The following API5 variants were observed in gnomAD, a reference collection of about 807,000 sequenced individuals.
The protein encoded by API5 is apoptosis inhibitor 5.
Under a neutral mutation model 71.9 loss-of-function variants are expected in API5, and 6 were observed. That is an observed-to-expected ratio of 0.08 (90% CI 0.05 to 0.16). The LOEUF (loss-of-function observed/expected upper bound fraction) is 0.16. Among genes scored for constraint, API5 ranks in the 10% least tolerant of loss-of-function variants. API5 has a pLI of 1.00. For missense variants in API5, 332 were observed against 612.8 expected (o/e 0.54, Z 4.84); for synonymous variants, 189 against 221.3 (o/e 0.85, Z 1.30).
intron 10 of API5, 195 bp downstream of exon 10, chr11:43,330,253 G>A: frequency 1.6e-6 from 1 of 616,148 alleles, no homozygotes; most frequent in Non-Finnish European, 2.8e-6. Flanking sequence ...CTATGTGCAT[G>A]TGACCTTACT....
chr11:43,315,436 G>A (rs1199488191), intron 1 of API5, among the ~76,000 whole-genome samples: 2 of 151,636 alleles, frequency 1.3e-5, no homozygotes, highest in Admixed American at 6.6e-5. Flanking sequence ...ACTGTACCTT[G>A]CCCTTCAGTA....
At chr11:43,331,942 T>C (rs1280124337) in intron 11 of API5, 1 of 152,210 alleles carries the variant, frequency 6.6e-6, no homozygotes, top group East Asian at 1.9e-4. Flanking sequence ...AATTCATATA[T>C]AAAAATGTGA....
Position 43,326,536 on chromosome 11 carries a change from A to T in API5, c.780A>T (p.Thr260=), listed in dbSNP as rs751694174. 124 of 1,611,380 alleles carry T rather than the reference A, an allele frequency of 7.7e-5. No individual in the cohort carries two copies. Among genetic ancestry groups the T allele is most frequent in the Non-Finnish European group, 1.0e-4 (121 of 1,178,502 alleles). Residue 260 remains threonine (T), a synonymous_variant, in exon 7 of 14, where the codon ACA becomes ACT. Transcript: ENST00000531273. ...ATGTCCATTCCACAAGGTTTGTGAC[A>T]TATTTCTGTGAGCAGGTTCTCCCTA... ...SKNVHSTRFV[T]YFCEQVLPNL... is the part of the protein sequence containing the mutation.
intron 13 of API5, 45 bp from the exon 14 acceptor site, chr11:43,342,383 A>C (rs753818593): frequency 3.3e-6 from 5 of 1,519,206 alleles, no homozygotes; most frequent in Non-Finnish European, 4.4e-6. Flanking sequence ...TTGCTGCACC[A>C]TGAAATCCTA....
At chr11:43,320,731 T>TAAAA in intron 2 of API5, 90 bp from the exon 3 acceptor site, 1 of 994,962 alleles carries the variant, frequency 1.0e-6, no homozygotes, top group Non-Finnish European at 1.5e-6. Flanking sequence ...ACCTTGTCTT[T>TAAAA]AAAAAAAAAA....
chr11:43,333,296 T>C (rs1279745627), intron 11 of API5, among the ~76,000 whole-genome samples: 2 of 152,276 alleles, frequency 1.3e-5, no homozygotes, highest in East Asian at 1.9e-4. Context: ...ATCATACTTA[T>C]CAACTTAAAA....
intron 7 of API5, 97 bp downstream of exon 7, chr11:43,326,708 T>G (rs1159641902): frequency 1.4e-6 from 1 of 712,366 alleles, no homozygotes; most frequent in African/African-American, 1.8e-5. Flanking sequence ...AGGGAGCAGT[T>G]TAAATGTCTG....
At chr11:43,316,766 T>C (rs1025516336) in intron 1 of API5, among the ~76,000 whole-genome samples, 2 of 152,112 alleles carry the variant, frequency 1.3e-5, no homozygotes, top group African/African-American at 2.4e-5. Flanking sequence ...GTGATTCTCC[T>C]CCCTCAGCCT....
chr11:43,313,316 G>A (rs1235926020), intron 1 of API5, among the ~76,000 whole-genome samples: 4 of 152,150 alleles, frequency 2.6e-5, no homozygotes, highest in Admixed American at 6.5e-5. Flanking sequence ...CCCTGTATGA[G>A]TTTTCAAGTA....
At chr11:43,326,415 G>A in intron 6 of API5, 92 bp from the exon 7 acceptor site, 1 of 813,486 alleles carries the variant, frequency 1.2e-6, no homozygotes, top group South Asian at 1.6e-5. Context: ...ACTTGATGCT[G>A]TAGCGCTCAG....
At chr11:43,331,612 G>A (rs545323589) in intron 11 of API5, among the ~76,000 whole-genome samples, 8 of 152,236 alleles carry the variant, frequency 5.3e-5, no homozygotes, top group Non-Finnish European at 7.4e-5. Context: ...AGGGGTAGCA[G>A]GCAAAAGAGG....
At chr11:43,327,011 T>C (rs937412992) in intron 7 of API5, among the ~76,000 whole-genome samples, 1 of 152,236 alleles carries the variant, frequency 6.6e-6, no homozygotes, top group Non-Finnish European at 1.5e-5. Context: ...ATGTAAACAT[T>C]TTTTCACAGC....
rs1036316253 is a variant in API5, at chr11:43,337,204, T to C, written c.1492+1210T>C. Reference sequence around the variant, plus strand: ...AGTTGGGTATGGTGGCACGCACTTATAGTCCCAGCTACTCAGGAGGCAAGA... The same window carrying C: ...AGTTGGGTATGGTGGCACGCACTTACAGTCCCAGCTACTCAGGAGGCAAGA... On this transcript the variant is annotated intron_variant, in intron 13 of 13. Transcript: ENST00000531273. 3.3e-5 allele frequency among the ~76,000 whole-genome samples: 5 copies of C among 151,878 alleles called. No individual in the cohort carries two copies. The East Asian group carries it at 5.8e-4, about 18-fold the overall frequency.
chr11:43,321,791 A>G (rs1024258208), intron 4 of API5, among the ~76,000 whole-genome samples, 194 bp from the exon 5 acceptor site: 5 of 152,202 alleles, frequency 3.3e-5, no homozygotes, highest in Non-Finnish European at 7.4e-5. Context: ...GCTTAAGCTG[A>G]CTATGTCTTC....
chr11:43,321,735 A>G (rs1854898084), intron 4 of API5, among the ~76,000 whole-genome samples: 1 of 152,322 alleles, frequency 6.6e-6, no homozygotes, highest in Admixed American at 6.5e-5. Flanking sequence ...AATTCTTCCA[A>G]AATACCTGGG....
At chr11:43,313,664 A>AT (rs908055831) in intron 1 of API5, among the ~76,000 whole-genome samples, 9 of 152,076 alleles carry the variant, frequency 5.9e-5, no homozygotes, top group East Asian at 5.8e-4. Flanking sequence ...ATAGCAAATG[A>AT]TTTTTTTTCC....
intron 1 of API5, among the ~76,000 whole-genome samples, chr11:43,312,967 C>T (rs937341207): frequency 7.9e-5 from 12 of 151,796 alleles, no homozygotes; most frequent in Admixed American, 2.0e-4. Context: ...ATTAGCCGGG[C>T]GTGGTGACAC....
rs1350624540 is a variant in API5, at chr11:43,335,363, T to A, written c.1355+9T>A. 6.5e-7 allele frequency: 1 copy of A among 1,534,946 alleles called. No homozygotes were observed. The highest frequency in any genetic ancestry group is 1.1e-5 in the South Asian group (1 of 89,440). ...CAAAAGGTTGAGATTGGGTAAGAAA[T>A]ATATTTAAAAGAGATTTAAGTGTTA... On this transcript the variant is annotated intron_variant, in intron 12 of 13. Coordinates refer to ENST00000531273, the MANE Select transcript of API5 (RefSeq NM_001142930.2).
chr11:43,318,401 C>CT, intron 1 of API5: 2 of 1,522,032 alleles, frequency 1.3e-6, no homozygotes, highest in Non-Finnish European at 1.8e-6. Context: ...AACACATTTG[C>CT]TTTTTCCACT....
Sources: gnomAD v4.1 joint callset for allele counts (sites outside exome capture counted in the v4.1 genomes callset) on GRCh38, gnomAD v4.1.1 for gene constraint, MANE v1.5 for transcripts, NCBI Gene and HGNC (gene_info 2026-07-23, HGNC 2026-07-21) for gene names.